The following ASIC2 variants were observed in gnomAD, a reference collection of about 807,000 sequenced individuals.
The protein encoded by ASIC2 is acid-sensing ion channel 2.
In ASIC2, 25 loss-of-function variants were observed where a neutral mutation model predicts 57.3. The observed-to-expected ratio is 0.44, with a 90% CI of 0.32 to 0.61. The LOEUF (loss-of-function observed/expected upper bound fraction) is 0.61, where lower values mean the gene tolerates loss of function less well. ASIC2 is among the 20% of genes least tolerant of loss of function. ASIC2 has a pLI of 0.06. For missense variants in ASIC2, 641 were observed against 738.1 expected (o/e 0.87, Z 1.52); for synonymous variants, 319 against 307.5 (o/e 1.04, Z -0.39).
intron 1 of ASIC2, among the ~76,000 whole-genome samples, chr17:33,865,226 T>C (rs955702658): frequency 1.3e-5 from 2 of 152,198 alleles, no homozygotes; most frequent in Non-Finnish European, 2.9e-5. Flanking sequence ...TTGATATGGT[T>C]CGTCCCCAGG....
At chr17:33,499,382 A>T (rs1421560835) in intron 1 of ASIC2, among the ~76,000 whole-genome samples, 1 of 152,240 alleles carries the variant, frequency 6.6e-6, no homozygotes, top group East Asian at 1.9e-4. Context: ...TAATTAGGTC[A>T]TTCTAGAGCA....
intron 1 of ASIC2, among the ~76,000 whole-genome samples, chr17:33,970,105 C>T (rs1012856400): frequency 6.6e-6 from 1 of 152,072 alleles, no homozygotes; most frequent in Non-Finnish European, 1.5e-5. Context: ...ATTTTGGGCT[C>T]ATTAATTCTT....
rs555197392 is a variant in ASIC2, at chr17:33,777,567, A to G, written c.555+378411T>C. 6.6e-5 allele frequency among the ~76,000 whole-genome samples: 10 copies of G among 152,132 alleles called. No homozygotes were observed. The East Asian group carries it at 1.2e-3, about 18-fold the overall frequency. On this transcript the variant is annotated intron_variant, in intron 1 of 9. Coordinates refer to the ASIC2 transcript ENST00000359872. Reference sequence around the variant, plus strand: ...AACAACTGGGCTGCAGACTGAGCTCAAGCAAAAGTCATGTGGGAACCTGGT... The same window carrying G: ...AACAACTGGGCTGCAGACTGAGCTCGAGCAAAAGTCATGTGGGAACCTGGT...
chr17:33,669,407 T>C (rs1342619315), intron 1 of ASIC2, among the ~76,000 whole-genome samples: 1 of 152,204 alleles, frequency 6.6e-6, no homozygotes, highest in East Asian at 1.9e-4. Context: ...TAAGTGTGTA[T>C]GTACATAAAT....
At chr17:33,210,196 T>A (rs770820883) in intron 1 of ASIC2, among the ~76,000 whole-genome samples, 1 of 152,298 alleles carries the variant, frequency 6.6e-6, no homozygotes, top group South Asian at 2.1e-4. Flanking sequence ...GCAACATTAC[T>A]CTGCATAATG....
chr17:33,241,422 C>T (rs1206117331), intron 1 of ASIC2, among the ~76,000 whole-genome samples: 3 of 152,214 alleles, frequency 2.0e-5, no homozygotes, highest in Admixed American at 6.5e-5. Flanking sequence ...TCTCTGCTCT[C>T]ACCACATGGG....
At chr17:33,902,340 G>A (rs954111216) in intron 1 of ASIC2, among the ~76,000 whole-genome samples, 6 of 152,186 alleles carry the variant, frequency 3.9e-5, no homozygotes, top group Non-Finnish European at 8.8e-5. Flanking sequence ...AGAGCACCTA[G>A]AAGGAAAATA....
chr17:33,664,547 C>A (rs561020794), intron 1 of ASIC2, among the ~76,000 whole-genome samples: 4 of 152,202 alleles, frequency 2.6e-5, no homozygotes, highest in African/African-American at 9.6e-5. Flanking sequence ...TAAAATTAAG[C>A]CTCACATATT....
chr17:33,128,749 T>C (rs1359219131), intron 1 of ASIC2, among the ~76,000 whole-genome samples: 1 of 152,186 alleles, frequency 6.6e-6, no homozygotes, highest in African/African-American at 2.4e-5. Context: ...AGGCTTGGAA[T>C]TTCCAGAGTG....
In ASIC2 at chr17:33,766,255, A is replaced by G. The variant is rs576063166; in HGVS notation, c.555+389723T>C. On this transcript the variant is annotated intron_variant, in intron 1 of 9. Coordinates refer to the ASIC2 transcript ENST00000359872. ...TCTTACTGTGCCTAATTTATGAGTT[A>G]AACTTTATCATAGGTATGTATAGGA... 4.3e-4 allele frequency among the ~76,000 whole-genome samples: 66 copies of G among 152,328 alleles called. 1 individual carries two copies. The highest frequency in any genetic ancestry group is 1.4e-3 in the African/African-American group (58 of 41,576).
chr17:33,043,127 G>A (rs774494146), intron 3 of ASIC2, among the ~76,000 whole-genome samples: 1 of 152,074 alleles, frequency 6.6e-6, no homozygotes, highest in Non-Finnish European at 1.5e-5. Context: ...GGGTTTCACC[G>A]TGTTAGCCAG....
intron 1 of ASIC2, among the ~76,000 whole-genome samples, chr17:34,048,457 G>A (rs1438324762): frequency 2.6e-5 from 4 of 152,166 alleles, no homozygotes; most frequent in African/African-American, 9.7e-5. Context: ...ATGCTCAACA[G>A]CCTCTCTCTG....
At chr17:33,220,730 C>T (rs1033220958) in intron 1 of ASIC2, among the ~76,000 whole-genome samples, 1 of 152,076 alleles carries the variant, frequency 6.6e-6, no homozygotes, top group African/African-American at 2.4e-5. Flanking sequence ...TAGTACTCTC[C>T]TCTGTAGAAG....
At chr17:33,851,824 A>C (rs1393556184) in intron 1 of ASIC2, among the ~76,000 whole-genome samples, 3 of 152,242 alleles carry the variant, frequency 2.0e-5, no homozygotes, top group Admixed American at 2.0e-4. Flanking sequence ...ATGGACAATC[A>C]GTCTTTTAGG....
chr17:33,974,544 C>T (rs1453931322), intron 1 of ASIC2, among the ~76,000 whole-genome samples: 2 of 152,120 alleles, frequency 1.3e-5, no homozygotes, highest in African/African-American at 4.8e-5. Flanking sequence ...CAAGTCCAGC[C>T]AGCTTCTCTT....
intron 1 of ASIC2, among the ~76,000 whole-genome samples, chr17:33,816,258 G>A (rs183988125): frequency 1.3e-5 from 2 of 152,150 alleles, no homozygotes; most frequent in East Asian, 1.9e-4. Context: ...CAGGGCACCT[G>A]CTTCTCATTC....
intron 1 of ASIC2, among the ~76,000 whole-genome samples, chr17:33,829,802 AC>A (rs1913049958): frequency 6.6e-6 from 1 of 152,010 alleles, no homozygotes; most frequent in Non-Finnish European, 1.5e-5. Context: ...TGACCTCATA[AC>A]CCACCCGCCT....
rs570603594 is a variant in ASIC2 at position 34,009,879 on chromosome 17, G to A, written c.555+146099C>T. Among the ~76,000 whole-genome samples the A allele has an allele frequency of 3.3e-5, 5 of 152,350 alleles. No individual in the cohort carries two copies. The South Asian group carries it at 1.0e-3, about 32-fold the overall frequency. ...TTGAGTGAGGTCAGGGCAGTAACGG[G>A]AGGGGTGCATGAGGAGCTAACATTT... On this transcript the variant is annotated intron_variant, in intron 1 of 9. Coordinates refer to the ASIC2 transcript ENST00000359872.
chr17:33,387,891 C>T (rs1207901084), intron 1 of ASIC2, among the ~76,000 whole-genome samples: 2 of 152,024 alleles, frequency 1.3e-5, no homozygotes, highest in East Asian at 3.9e-4. Flanking sequence ...ACCAGCCTGG[C>T]CAACATGATG....
Sources: allele counts gnomAD v4.1 joint callset (sites outside exome capture counted in the v4.1 genomes callset), GRCh38; gene constraint gnomAD v4.1.1; transcripts MANE v1.5; gene names NCBI Gene and HGNC (gene_info 2026-07-23, HGNC 2026-07-21).